FAT3: variants seen among roughly 807,000 people sequenced by gnomAD.
FAT3 encodes protocadherin Fat 3.
A neutral mutation model predicts 310.2 loss-of-function variants in FAT3; 95 were observed. The observed-to-expected ratio is 0.31, with a 90% CI of 0.26 to 0.36. The LOEUF (loss-of-function observed/expected upper bound fraction) is 0.36. FAT3 is among the 10% of genes least tolerant of loss of function. FAT3 has a pLI of 1.00. For missense variants in FAT3, 5,408 were observed against 5,715.6 expected (o/e 0.95, Z 1.74); for synonymous variants, 2,314 against 2,192.9 (o/e 1.06, Z -1.54).
intron 3 of FAT3, among the ~76,000 whole-genome samples, chr11:92,687,785 G>A (rs763036893): frequency 6.6e-6 from 1 of 152,168 alleles, no homozygotes; most frequent in Non-Finnish European, 1.5e-5. Context: ...TAACGCTATA[G>A]GCGGTAAAAG....
At chr11:92,329,974 G>A (rs1200961183) in intron 1 of FAT3, among the ~76,000 whole-genome samples, 2 of 151,898 alleles carry the variant, frequency 1.3e-5, no homozygotes, top group African/African-American at 2.4e-5. Context: ...ACAGTCATTA[G>A]AAATCAGGCA....
At chr11:92,582,537 G>A (rs946323707) in intron 3 of FAT3, among the ~76,000 whole-genome samples, 2 of 151,946 alleles carry the variant, frequency 1.3e-5, no homozygotes, top group Non-Finnish European at 2.9e-5. Flanking sequence ...ATTTCTGAGA[G>A]GTAGGTATTT....
chr11:92,466,322 A>G (rs1267153018), intron 2 of FAT3, among the ~76,000 whole-genome samples: 6 of 152,182 alleles, frequency 3.9e-5, no homozygotes, highest in South Asian at 4.1e-4. Context: ...TAACAATCTC[A>G]AATAGTTAAA....
intron 1 of FAT3, among the ~76,000 whole-genome samples, chr11:92,349,646 G>A (rs1236216650): frequency 2.6e-5 from 4 of 152,120 alleles, no homozygotes; most frequent in Non-Finnish European, 5.9e-5. Context: ...GGTCACCAGC[G>A]GCCATCTGAC....
chr11:92,603,522 C>G (rs1940131690), intron 3 of FAT3, among the ~76,000 whole-genome samples: 1 of 152,214 alleles, frequency 6.6e-6, no homozygotes, highest in Non-Finnish European at 1.5e-5. Flanking sequence ...ACATGTCTCA[C>G]AATTTCGATT....
At position 92,844,160 on chromosome 11, in the gene FAT3, T is replaced by C; in HGVS notation, c.10793T>C (p.Val3598Ala). The change falls in exon 19 of 28, where the codon GTG becomes GCG. Residue 3598 changes from valine to alanine, a missense_variant. Physicochemically the swap from Val to Ala is moderately conservative, Grantham distance 64. Transcript: ENST00000525166. ...LKSEQKSLFK[V>A]NSHDGKIIAL... is the part of the protein sequence containing the mutation. ...TCGGAGCAGAAAAGCTTATTTAAAG[T>C]GAACAGTCACGATGGGAAAATCATC... is the stretch of plus-strand genomic sequence containing the variant. 1 of 1,613,960 alleles carries C rather than the reference T, an allele frequency of 6.2e-7. No individual in the cohort carries two copies. The highest frequency in any genetic ancestry group is 8.5e-7 in the Non-Finnish European group (1 of 1,179,888).
chr11:92,280,874 C>T (rs1946401241), intron 1 of FAT3, among the ~76,000 whole-genome samples: 1 of 152,150 alleles, frequency 6.6e-6, no homozygotes, highest in Non-Finnish European at 1.5e-5. Flanking sequence ...CCCTGTTCTT[C>T]CATTTCCTAG....
chr11:92,862,806 G>A (rs144325397), intron 21 of FAT3, among the ~76,000 whole-genome samples: 6 of 152,216 alleles, frequency 3.9e-5, no homozygotes, highest in East Asian at 1.9e-4. Context: ...ATGTAATTTC[G>A]ACTCTCATTC....
chr11:92,413,416 C>A (rs1950339313), intron 2 of FAT3, among the ~76,000 whole-genome samples: 2 of 152,058 alleles, frequency 1.3e-5, no homozygotes, highest in African/African-American at 4.8e-5. Context: ...TCATATGTAC[C>A]TTTTAATCAT....
rs757013341 is a variant in FAT3, at chr11:92,798,004, C to A, written c.4991C>A (p.Ser1664Tyr). 9.3e-6 allele frequency: 15 copies of A among 1,613,788 alleles called. No individual in the cohort carries two copies. Among genetic ancestry groups the A allele is most frequent in the Middle Eastern group, 3.3e-4 (2 of 6,084 alleles). ...TAIVRISVTM[S>Y]DNSHPKFIHK... ...ATTGTGCGCATTTCCGTCACCATGT[C>A]TGACAATTCTCACCCCAAGTTCATT... Residue 1664 changes from serine (S) to tyrosine (Y), a missense_variant, in exon 10 of 28, where the codon TCT (serine) becomes TAT (tyrosine). Physicochemically the swap from Ser to Tyr is moderately radical, Grantham distance 144. This residue lies in a region of FAT3 where 4,588 missense variants were observed against 4,809.8 expected (regional missense o/e 0.95). Transcript: ENST00000525166.
intron 3 of FAT3, among the ~76,000 whole-genome samples, chr11:92,539,447 G>A (rs1265098558): frequency 6.6e-6 from 1 of 152,126 alleles, no homozygotes; most frequent in Non-Finnish European, 1.5e-5. Flanking sequence ...TTGCTGGGTT[G>A]TAATAGCTAG....
chr11:92,306,488 A>G (rs1947120136), intron 1 of FAT3, among the ~76,000 whole-genome samples: 3 of 132,076 alleles, frequency 2.3e-5, no homozygotes, highest in African/African-American at 8.7e-5. Flanking sequence ...TTATATATAT[A>G]TTTATATTAT....
chr11:92,694,944 A>C (rs1041746700), intron 3 of FAT3, among the ~76,000 whole-genome samples: 6 of 152,160 alleles, frequency 3.9e-5, no homozygotes, highest in African/African-American at 1.4e-4. Context: ...TGGCCCAAAA[A>C]TGAAGGTGTC....
chr11:92,304,219 A>G (rs1223697078), intron 1 of FAT3, among the ~76,000 whole-genome samples: 2 of 152,108 alleles, frequency 1.3e-5, no homozygotes, highest in Admixed American at 6.5e-5. Flanking sequence ...TTCATTCTGC[A>G]TAATGCATCA....
chr11:92,372,995 T>C (rs1315662580), intron 2 of FAT3, among the ~76,000 whole-genome samples: 2 of 152,172 alleles, frequency 1.3e-5, no homozygotes, highest in East Asian at 3.9e-4. Context: ...CATCCTTTCT[T>C]GCAAGTATCC....
At chr11:92,357,411 C>A (rs1209959261) in intron 2 of FAT3, among the ~76,000 whole-genome samples, 1 of 152,202 alleles carries the variant, frequency 6.6e-6, no homozygotes, top group Non-Finnish European at 1.5e-5. Flanking sequence ...TACCCAACTA[C>A]ACTGAAATTT....
chr11:92,265,363 G>A (rs563311395), intron 1 of FAT3, among the ~76,000 whole-genome samples: 42 of 152,018 alleles, frequency 2.8e-4, no homozygotes, highest in African/African-American at 7.2e-4. Flanking sequence ...TATTGACTGC[G>A]TTCCAAGCAT....
At chr11:92,851,025 G>C (rs1256748424) in intron 19 of FAT3, among the ~76,000 whole-genome samples, 4 of 152,136 alleles carry the variant, frequency 2.6e-5, no homozygotes, top group Non-Finnish European at 5.9e-5. Flanking sequence ...TGTTTCTCCT[G>C]GTGGACAAGG....
At chr11:92,783,311 C>T (rs373658032) in intron 7 of FAT3, among the ~76,000 whole-genome samples, 32 of 145,524 alleles carry the variant, frequency 2.2e-4, no homozygotes, top group African/African-American at 7.9e-4. Context: ...TAAGCCAAGA[C>T]CACGCCATTG....
Sources: allele counts gnomAD v4.1 joint callset (sites outside exome capture counted in the v4.1 genomes callset), GRCh38; gene constraint gnomAD v4.1.1; regional missense constraint gnomAD v4.1.1; transcripts MANE v1.5; gene names NCBI Gene and HGNC (gene_info 2026-07-23, HGNC 2026-07-21).